RAPGEF4: variants seen among roughly 807,000 people sequenced by gnomAD.
RAPGEF4 encodes the protein RAP guanine-nucleotide-exchange factor (GEF) 4.
RAPGEF4 carries 66 observed loss-of-function variants against 147.9 expected under a neutral mutation model. The ratio of observed to expected loss-of-function variants is 0.45; its 90% CI spans 0.37 to 0.55. RAPGEF4 has a LOEUF of 0.55. Ranked by LOEUF, RAPGEF4 falls within the 20% of genes least tolerant of loss-of-function variation. The pLI is 0.00. For missense variants in RAPGEF4, 1,071 were observed against 1,257.3 expected, an observed-to-expected ratio of 0.85 and a Z score of 2.24; for synonymous variants, 419 against 442.7, an observed-to-expected ratio of 0.95 and a Z score of 0.67.
intron 20 of RAPGEF4, 91 bp from the exon 21 acceptor site, chr2:173,017,335 A>G: frequency 1.3e-6 from 2 of 1,488,676 alleles, no homozygotes; most frequent in Non-Finnish European, 1.9e-6. Flanking sequence ...TCATTTCTTG[A>G]CTCTGCTTGC....
At position 172,834,917 on chromosome 2, in the gene RAPGEF4, T is replaced by C. The variant is rs542608247; in HGVS notation, c.444+20492T>C. Among the ~76,000 whole-genome samples the C allele has an allele frequency of 3.2e-4, 48 of 152,352 alleles. No homozygotes were observed. In the Middle Eastern group the frequency reaches 0.014, roughly 43 times the overall value. On this transcript the variant is annotated intron_variant, in intron 4 of 30. Coordinates refer to ENST00000397081, the MANE Select transcript of RAPGEF4 (RefSeq NM_007023.4). The stretch of plus-strand genomic sequence containing the variant: ...TATTACATTTTGTTTTCCTGTGGCA[T>C]AATGGCAATGTCATCCTTATCAGCT...
chr2:172,928,816 TTAA>T (rs1685633801), intron 6 of RAPGEF4, among the ~76,000 whole-genome samples: 1 of 152,086 alleles, frequency 6.6e-6, no homozygotes, highest in African/African-American at 2.4e-5. Flanking sequence ...GTTCGATAGT[TTAA>T]TAATAATAAT....
intron 4 of RAPGEF4, among the ~76,000 whole-genome samples, chr2:172,916,178 C>G (rs913448849): frequency 6.6e-6 from 1 of 152,188 alleles, no homozygotes; most frequent in African/African-American, 2.4e-5. Context: ...AAGTCCCATT[C>G]ATTCAGGGAT....
At chr2:173,015,279 C>G (rs1391023370) in intron 18 of RAPGEF4, among the ~76,000 whole-genome samples, 1 of 152,284 alleles carries the variant, frequency 6.6e-6, no homozygotes, top group African/African-American at 2.4e-5. Context: ...CTTCCCCGTT[C>G]CTTCCCGTAG....
At chr2:172,764,258 A>T (rs1396860815) in intron 1 of RAPGEF4, among the ~76,000 whole-genome samples, 5 of 152,110 alleles carry the variant, frequency 3.3e-5, no homozygotes, top group African/African-American at 1.2e-4. Context: ...GTCTCAAAAA[A>T]AAAAAAAGAA....
intron 17 of RAPGEF4, among the ~76,000 whole-genome samples, chr2:173,011,335 A>C (rs1451090920): frequency 6.6e-6 from 1 of 152,130 alleles, no homozygotes; most frequent in East Asian, 1.9e-4. Context: ...GGAATAGTGG[A>C]AAGAGCCCTG....
At chr2:172,799,691 G>A (rs1686773725) in intron 3 of RAPGEF4, among the ~76,000 whole-genome samples, 1 of 152,180 alleles carries the variant, frequency 6.6e-6, no homozygotes, top group East Asian at 1.9e-4. Context: ...GAGTGGAGAA[G>A]CTGAAAAGAG....
intron 6 of RAPGEF4, among the ~76,000 whole-genome samples, chr2:172,925,523 A>G (rs1685194522): frequency 6.6e-6 from 1 of 151,930 alleles, no homozygotes; most frequent in African/African-American, 2.4e-5. Flanking sequence ...GGAACCTACA[A>G]AATATCAAGA....
At chr2:172,771,518 T>C (rs1683599870) in intron 1 of RAPGEF4, among the ~76,000 whole-genome samples, 1 of 152,174 alleles carries the variant, frequency 6.6e-6, no homozygotes, top group African/African-American at 2.4e-5. Context: ...GAGATTGTAA[T>C]TGTGATTTTT....
intron 8 of RAPGEF4, among the ~76,000 whole-genome samples, chr2:172,964,427 G>A (rs1014130055): frequency 2.1e-5 from 1 of 47,964 alleles, no homozygotes; most frequent in Non-Finnish European, 4.8e-5. Flanking sequence ...TTTTTTTTAC[G>A]GCAAAGAAAG....
At position 172,967,326 on chromosome 2, in the gene RAPGEF4, G is replaced by C. The variant is rs1250748832; in HGVS notation, c.886G>C (p.Asp296His). 1.9e-6 allele frequency: 3 copies of C among 1,612,298 alleles called. No homozygotes were observed. The highest frequency in any genetic ancestry group is 2.5e-6 in the Non-Finnish European group (3 of 1,179,784). The change falls in exon 10 of 31, where the codon GAT becomes CAT. Residue 296 changes from aspartate to histidine, a missense_variant. Coordinates refer to ENST00000397081, the MANE Select transcript of RAPGEF4 (RefSeq NM_007023.4). Reference protein sequence around the residue: ...FYRFLDDEHEDAPLPTEEEKK... With the variant: ...FYRFLDDEHEHAPLPTEEEKK... ...TCGATTTCTGGATGATGAGCACGAG[G>C]ATGCCCCTTTGCCTACTGAGGAGGA...
chr2:172,898,507 A>G (rs1698748972), intron 4 of RAPGEF4, among the ~76,000 whole-genome samples: 2 of 152,156 alleles, frequency 1.3e-5, no homozygotes, highest in South Asian at 2.1e-4. Context: ...CCTCTGGGCA[A>G]CATCTTCCGT....
chr2:172,996,377 TAA>T (rs367826381), intron 15 of RAPGEF4, 87 bp from the exon 16 acceptor site: 331 of 574,456 alleles, frequency 5.8e-4, no homozygotes, highest in South Asian at 9.0e-4. Flanking sequence ...GATCTCAAAT[TAA>T]AAAAAAAAAA....
intron 1 of RAPGEF4, among the ~76,000 whole-genome samples, chr2:172,771,169 C>A (rs561273459): frequency 3.3e-5 from 5 of 151,924 alleles, no homozygotes; most frequent in African/African-American, 4.8e-5. Flanking sequence ...GTTCTGGAGG[C>A]TGGGAAGTCC....
chr2:172,864,764 G>T (rs1694442317), intron 4 of RAPGEF4, among the ~76,000 whole-genome samples: 1 of 152,184 alleles, frequency 6.6e-6, no homozygotes, highest in Non-Finnish European at 1.5e-5. Context: ...AATTAGCCAG[G>T]CATGGTGGCA....
At chr2:172,956,126 G>C (rs778054300) in intron 6 of RAPGEF4, among the ~76,000 whole-genome samples, 7 of 152,166 alleles carry the variant, frequency 4.6e-5, no homozygotes, top group Non-Finnish European at 7.3e-5. Flanking sequence ...CTCTAGTAGT[G>C]GCCATACCTC....
chr2:172,777,818 T>C (rs1208373481), intron 1 of RAPGEF4, among the ~76,000 whole-genome samples: 1 of 152,162 alleles, frequency 6.6e-6, no homozygotes, highest in Non-Finnish European at 1.5e-5. Flanking sequence ...CCCTTCTTCC[T>C]GGGATCACAC....
chr2:172,856,499 C>A (rs757322031), intron 4 of RAPGEF4, among the ~76,000 whole-genome samples: 2 of 152,130 alleles, frequency 1.3e-5, no homozygotes, highest in Non-Finnish European at 2.9e-5. Context: ...GGAATGTACT[C>A]TGGACATTGT....
chr2:172,930,270 C>A (rs1384612807), intron 6 of RAPGEF4, among the ~76,000 whole-genome samples: 5 of 152,190 alleles, frequency 3.3e-5, no homozygotes, highest in African/African-American at 4.8e-5. Context: ...AAAAACCTGG[C>A]TTCCAAGCCA....
Sources: gnomAD v4.1 joint callset for allele counts (sites outside exome capture counted in the v4.1 genomes callset) on GRCh38, gnomAD v4.1.1 for gene constraint, MANE v1.5 for transcripts, NCBI Gene and HGNC (gene_info 2026-07-23, HGNC 2026-07-21) for gene names.